Variants in OCIAD1 observed in about 807,000 individuals in gnomAD.
OCIAD1 encodes the protein OCIA domain-containing protein 1.
A neutral mutation model predicts 38.9 loss-of-function variants in OCIAD1; 29 were observed. That is an observed-to-expected ratio of 0.74 (90% CI 0.55 to 1.02). OCIAD1 has a LOEUF of 1.02. Ranked by LOEUF, OCIAD1 falls within the 50% of genes least tolerant of loss-of-function variation. The probability of loss-of-function intolerance (pLI) is 0.00; values close to 1 mark genes in which losing one functional copy is unlikely to be tolerated. For missense variants in OCIAD1, 288 were observed against 289.6 expected (o/e 0.99, Z 0.04); for synonymous variants, 110 against 92.0 (o/e 1.20, Z -1.12).
intron 1 of OCIAD1, among the ~76,000 whole-genome samples, chr4:48,817,973 C>T (rs1450748878): frequency 1.3e-5 from 2 of 152,142 alleles, no homozygotes; most frequent in East Asian, 1.9e-4. Context: ...TGGTTGTGGG[C>T]GCAGCTTCAG....
At chr4:48,813,401 C>T (rs1339176183) in intron 1 of OCIAD1, among the ~76,000 whole-genome samples, 4 of 152,200 alleles carry the variant, frequency 2.6e-5, no homozygotes, top group Admixed American at 1.3e-4. Flanking sequence ...CGCCTGTAAT[C>T]CCAGCTCCTT....
At chr4:48,830,340 GC>G (rs1184993654), upstream of OCIAD1, among the ~76,000 whole-genome samples, 1 of 152,188 alleles carries the variant, frequency 6.6e-6, no homozygotes, top group Non-Finnish European at 1.5e-5. Context: ...AACCTGAGAG[GC>G]TTTGAGGGGT....
chr4:48,850,688 C>T (rs905704713), intron 6 of OCIAD1, among the ~76,000 whole-genome samples: 4 of 152,228 alleles, frequency 2.6e-5, no homozygotes, highest in Admixed American at 2.6e-4. Flanking sequence ...ATCCTCCTCC[C>T]TCAGCCTCTG....
rs944409462 is a variant in OCIAD1, at chr4:48,841,852, C to CAT, written c.140-772_140-771dup. On this transcript the variant is annotated intron_variant, in intron 3 of 8. Transcript: ENST00000264312. ...TGGATTTTTCACTCTCGGTTTTAGGCATATATATATATAGATGTAATATTT... is the reference window on the plus strand; with the variant it reads ...TGGATTTTTCACTCTCGGTTTTAGGCATATATATATATATAGATGTAATATTT... Among the ~76,000 whole-genome samples, 43 of 151,020 alleles carry CAT rather than the reference C, an allele frequency of 2.8e-4. 1 individual carries two copies. The highest frequency in any genetic ancestry group is 6.3e-4 in the South Asian group (3 of 4,772).
At chr4:48,851,119 G>A (rs747223868) in intron 6 of OCIAD1, among the ~76,000 whole-genome samples, 2 of 152,212 alleles carry the variant, frequency 1.3e-5, no homozygotes, top group Non-Finnish European at 2.9e-5. Context: ...TAGCAAATTA[G>A]TGTTTATATA....
At chr4:48,843,496 T>C (rs1253154320) in intron 4 of OCIAD1, among the ~76,000 whole-genome samples, 1 of 152,206 alleles carries the variant, frequency 6.6e-6, no homozygotes. Context: ...TGTATGGTAC[T>C]TAGTTTTGAC....
chr4:48,854,017 C>G (rs1779774100), intron 7 of OCIAD1, among the ~76,000 whole-genome samples: 1 of 152,070 alleles, frequency 6.6e-6, no homozygotes, highest in Non-Finnish European at 1.5e-5. Context: ...AGGGAATGGG[C>G]AGATTAGGAG....
chr4:48,817,721 G>A (rs1409613023), intron 1 of OCIAD1, among the ~76,000 whole-genome samples: 1 of 152,172 alleles, frequency 6.6e-6, no homozygotes, highest in Non-Finnish European at 1.5e-5. Flanking sequence ...AGACAACTTG[G>A]AATAATCGAG....
At chr4:48,819,662 T>A (rs1777172022) in intron 1 of OCIAD1, among the ~76,000 whole-genome samples, 1 of 123,424 alleles carries the variant, frequency 8.1e-6, no homozygotes, top group Non-Finnish European at 1.6e-5. Context: ...CCATCTCACG[T>A]GCAAAGACAC....
rs1340074599 is a variant in OCIAD1, at chr4:48,831,198, T to G, written c.-57T>G. Reference sequence around the variant, plus strand: ...TCTCGAGTCCACCCTCCGGGCCTTCTGCCCCTGATCGCTTGGTTTTCCTTG... The same window carrying G: ...TCTCGAGTCCACCCTCCGGGCCTTCGGCCCCTGATCGCTTGGTTTTCCTTG... On this transcript the variant is annotated 5_prime_UTR_variant, in exon 1 of 9. Coordinates refer to ENST00000264312, the MANE Select transcript of OCIAD1 (RefSeq NM_017830.4). 2 of 334,784 alleles carry G rather than the reference T, an allele frequency of 6.0e-6. No individual in the cohort carries two copies. Among genetic ancestry groups the G allele is most frequent in the African/African-American group, 4.3e-5 (2 of 46,330 alleles). 20.7% of individuals were successfully genotyped at this position (334,784 alleles called of 1,614,324 possible). A position where few individuals can be genotyped will look rare whatever the true frequency, so the allele number is the denominator to read the frequency against.
chr4:48,826,630 T>G (rs1777254894), upstream of OCIAD1, among the ~76,000 whole-genome samples: 1 of 152,248 alleles, frequency 6.6e-6, no homozygotes, highest in South Asian at 2.1e-4. Flanking sequence ...CTAGTTACTC[T>G]GATTTGATTA....
chr4:48,809,443 T>G (rs1777063557), intron 1 of OCIAD1, among the ~76,000 whole-genome samples: 1 of 152,068 alleles, frequency 6.6e-6, no homozygotes, highest in Admixed American at 6.6e-5. Context: ...GGAGTACTGC[T>G]TGAACCCGGC....
upstream of OCIAD1, among the ~76,000 whole-genome samples, chr4:48,827,641 A>G (rs1777263742): frequency 6.6e-6 from 1 of 152,268 alleles, no homozygotes; most frequent in African/African-American, 2.4e-5. Flanking sequence ...ATGTTTTAGA[A>G]TCCTATATGT....
chr4:48,857,570 A>G (rs1295931724), intron 8 of OCIAD1, among the ~76,000 whole-genome samples: 1 of 150,874 alleles, frequency 6.6e-6, no homozygotes, highest in Non-Finnish European at 1.5e-5. Flanking sequence ...GCCAGGCTGG[A>G]GTGCAGTGGC....
intron 3 of OCIAD1, among the ~76,000 whole-genome samples, chr4:48,841,399 C>A (rs1307296001): frequency 6.6e-6 from 1 of 152,164 alleles, no homozygotes; most frequent in Non-Finnish European, 1.5e-5. Flanking sequence ...TGAAGTCCGG[C>A]GGAAACCAGG....
intron 7 of OCIAD1, among the ~76,000 whole-genome samples, chr4:48,854,443 A>G (rs931058341): frequency 4.6e-5 from 7 of 152,220 alleles, no homozygotes; most frequent in African/African-American, 1.7e-4. Context: ...AGGTAACTGA[A>G]ACCCTGGAAA....
chr4:48,832,570 C>A, intron 1 of OCIAD1, 50 bp from the exon 2 acceptor site: 1 of 1,348,582 alleles, frequency 7.4e-7, no homozygotes. Context: ...TTTACTTTGA[C>A]CTATCTAGTG....
chr4:48,828,141 C>T (rs1430714995), upstream of OCIAD1, among the ~76,000 whole-genome samples: 1 of 152,054 alleles, frequency 6.6e-6, no homozygotes, highest in Non-Finnish European at 1.5e-5. Context: ...GTAAATGCAC[C>T]AATCAGCACC....
intron 4 of OCIAD1, among the ~76,000 whole-genome samples, chr4:48,844,761 C>G (rs577236202): frequency 2.6e-5 from 4 of 152,072 alleles, no homozygotes; most frequent in East Asian, 3.9e-4. Flanking sequence ...CCAGAGGATA[C>G]CAAAATCCAC....
Sources: gnomAD v4.1 joint callset for allele counts (sites outside exome capture counted in the v4.1 genomes callset) on GRCh38, gnomAD v4.1.1 for gene constraint, MANE v1.5 for transcripts, NCBI Gene and HGNC (gene_info 2026-07-23, HGNC 2026-07-21) for gene names.